ATP2B2: variants seen among roughly 807,000 people sequenced by gnomAD.
ATP2B2 encodes the protein plasma membrane calcium-transporting ATPase 2.
A neutral mutation model predicts 120.0 loss-of-function variants in ATP2B2; 15 were observed. The observed-to-expected ratio is 0.12, with a 90% confidence interval of 0.08 to 0.19. The LOEUF is 0.19. Among genes scored for constraint, ATP2B2 ranks in the 10% least tolerant of loss-of-function variants. The probability of loss-of-function intolerance (pLI) is 1.00; values close to 1 mark genes in which losing one functional copy is unlikely to be tolerated. For synonymous variants in ATP2B2, 694 were observed against 700.3 expected, an observed-to-expected ratio of 0.99 and a Z score of 0.14; for missense variants, 1,045 against 1,719.8, an observed-to-expected ratio of 0.61 and a Z score of 6.94.
chr3:10,374,743 C>A (rs1234432381), intron 11 of ATP2B2, among the ~76,000 whole-genome samples: 1 of 152,158 alleles, frequency 6.6e-6, no homozygotes, highest in African/African-American at 2.4e-5. Context: ...TGCAGCTCTG[C>A]CATCAGGGTA....
chr3:10,434,606 AGAGAGG>A (rs1259135398), intron 2 of ATP2B2, among the ~76,000 whole-genome samples: 1 of 152,384 alleles, frequency 6.6e-6, no homozygotes, highest in Non-Finnish European at 1.5e-5. Context: ...ACTGAGGCTC[AGAGAGG>A]GAAAATGATT....
rs866923178 is a variant in ATP2B2, at chr3:10,343,217, C to T, written c.2704-252G>A. On this transcript the variant is annotated intron_variant, in intron 18 of 22. Coordinates refer to ENST00000360273, the MANE Select transcript of ATP2B2 (RefSeq NM_001001331.4). This position sits in a 1 kb window ranked among gnomAD's most constrained non-coding sequence, Gnocchi z 4.2. ...CCCAGGCCCAATGGCCACCAGCTCCCTGCCTTCTGGTAAATTCAGCTGCAT... is the reference window on the plus strand; with the variant it reads ...CCCAGGCCCAATGGCCACCAGCTCCTTGCCTTCTGGTAAATTCAGCTGCAT... 1.9e-4 allele frequency among the ~76,000 whole-genome samples: 29 copies of T among 152,324 alleles called. No individual in the cohort carries two copies. Among genetic ancestry groups the T allele is most frequent in the South Asian group, 6.2e-4 (3 of 4,828 alleles).
At position 10,503,156 on chromosome 3, in the gene ATP2B2, T is replaced by G. The variant is rs1254146449; in HGVS notation, c.-320+2309A>C. 3.3e-5 allele frequency among the ~76,000 whole-genome samples: 5 copies of G among 152,256 alleles called. 1 individual carries two copies. The highest frequency in any genetic ancestry group is 1.3e-4 in the Admixed American group (2 of 15,292). On this transcript the variant is annotated intron_variant, in intron 1 of 22. Coordinates refer to ENST00000360273, the MANE Select transcript of ATP2B2 (RefSeq NM_001001331.4). ...AGGAGGGTGCCAGCATTTCAGGCTC[T>G]GCATACAACGTAAGCCACAGCAGCT...
At chr3:10,605,605 A>T (rs1217348386) in intron 2 of ATP2B2, among the ~76,000 whole-genome samples, 1 of 151,330 alleles carries the variant, frequency 6.6e-6, no homozygotes, top group Admixed American at 6.6e-5. Context: ...GCTTGAGGCC[A>T]GCATTTCGAG....
At chr3:10,385,601 G>A (rs1284881657) in intron 7 of ATP2B2, among the ~76,000 whole-genome samples, 1 of 152,202 alleles carries the variant, frequency 6.6e-6, no homozygotes, top group African/African-American at 2.4e-5. Flanking sequence ...GCTGGTCTGT[G>A]CTGAGGTCTG....
chr3:10,677,613 G>A lies in ATP2B2; in HGVS notation c.-460+30302C>T, dbSNP rs115262064. Among the ~76,000 whole-genome samples, 103 of 152,268 alleles carry A rather than the reference G, an allele frequency of 6.8e-4. 2 individuals carry two copies. The highest frequency in any genetic ancestry group is 2.4e-3 in the African/African-American group (99 of 41,530). ...TATATCACTCTGGTGGGGGATATTG[G>A]CAGTGGGGATGTTGTTTGATGGGGA... On this transcript the variant is annotated intron_variant, in intron 1 of 21. Transcript: ENST00000646379.
At chr3:10,483,605 C>T (rs560758926) in intron 1 of ATP2B2, among the ~76,000 whole-genome samples, 11 of 152,274 alleles carry the variant, frequency 7.2e-5, no homozygotes, top group African/African-American at 2.6e-4. Context: ...GAATTCTCTG[C>T]GGGCTTAATT....
intron 1 of ATP2B2, among the ~76,000 whole-genome samples, chr3:10,486,984 T>C (rs2065704941): frequency 6.6e-6 from 1 of 152,132 alleles, no homozygotes; most frequent in African/African-American, 2.4e-5. Flanking sequence ...TGCCTTGGCC[T>C]CCCAAAGTGC....
chr3:10,453,045 C>T (rs971182209), intron 1 of ATP2B2, among the ~76,000 whole-genome samples: 1 of 152,220 alleles, frequency 6.6e-6, no homozygotes, highest in East Asian at 1.9e-4. Context: ...CTGACTGGCA[C>T]ATGATAAGCA....
rs755966247 is a variant in ATP2B2 at position 10,385,269 on chromosome 3, A to G, written c.999T>C (p.Asn333=). 6.2e-7 allele frequency: 1 copy of G among 1,613,604 alleles called. No individual in the cohort carries two copies. Among genetic ancestry groups the G allele is most frequent in the Non-Finnish European group, 8.5e-7 (1 of 1,179,828 alleles). ...AGGAGCTCGCCGTGGGAGACATACCATTGACTAGGCTGGCATTCGCACTAT... is the reference window on the plus strand; with the variant it reads ...AGGAGCTCGCCGTGGGAGACATACCGTTGACTAGGCTGGCATTCGCACTAT... ...AADSANASLV[N]GKMQDGNVDA... is the part of the protein sequence containing the mutation. The change falls in exon 8 of 23, where the codon AAT becomes AAC. Residue 333 remains asparagine (N), a splice_region_variant and synonymous_variant. Coordinates refer to ENST00000360273, the MANE Select transcript of ATP2B2 (RefSeq NM_001001331.4).
At chr3:10,667,839 C>A (rs1321070973) in intron 1 of ATP2B2, among the ~76,000 whole-genome samples, 2 of 152,252 alleles carry the variant, frequency 1.3e-5, no homozygotes, top group East Asian at 3.8e-4. Flanking sequence ...GTCCAGGACT[C>A]TCTCCAGTCT....
rs11707497 is a variant in ATP2B2, at chr3:10,635,051, A to G, written c.-459-15090T>C. On this transcript the variant is annotated intron_variant, in intron 1 of 21. Coordinates refer to the ATP2B2 transcript ENST00000646379. This position sits in a 1 kb window ranked among gnomAD's most constrained non-coding sequence, Gnocchi z 4.3. ...GAAGAAAGAGCCTTCCAACACTCGC[A>G]GGACCCCGAGATAAATGTCCCTGGG... 0.056 allele frequency among the ~76,000 whole-genome samples: 8,459 copies of G among 151,848 alleles called. 283 individuals carry two copies. Among genetic ancestry groups the G allele is most frequent in the South Asian group, 0.17 (780 of 4,716 alleles).
intron 2 of ATP2B2, among the ~76,000 whole-genome samples, chr3:10,440,095 C>T (rs772619675): frequency 2.1e-5 from 2 of 94,522 alleles, no homozygotes; most frequent in African/African-American, 8.1e-5. Context: ...GAGTGAGACT[C>T]TATCTAAAAA....
At chr3:10,503,867 G>A (rs888149165) in intron 1 of ATP2B2, among the ~76,000 whole-genome samples, 1 of 152,258 alleles carries the variant, frequency 6.6e-6, no homozygotes, top group African/African-American at 2.4e-5. Flanking sequence ...CTACATGCAT[G>A]TGTGGGCAAG....
At chr3:10,518,237 A>T (rs2066913809) in intron 3 of ATP2B2, among the ~76,000 whole-genome samples, 1 of 152,226 alleles carries the variant, frequency 6.6e-6, no homozygotes, top group Admixed American at 6.5e-5. Flanking sequence ...AAGCATTCAT[A>T]GTCACAATAT....
rs139472399 is a variant in ATP2B2 at position 10,464,669 on chromosome 3, T to C, written c.-319-14807A>G. Among the ~76,000 whole-genome samples, 354 of 152,294 alleles carry C rather than the reference T, an allele frequency of 2.3e-3. 1 individual carries two copies. Among genetic ancestry groups the C allele is most frequent in the Non-Finnish European group, 3.4e-3 (230 of 68,020 alleles). On this transcript the variant is annotated intron_variant, in intron 1 of 22. Coordinates refer to ENST00000360273, the MANE Select transcript of ATP2B2 (RefSeq NM_001001331.4). Reference sequence around the variant, plus strand: ...CTACCTTCCATGGAAACCACTTAAGTCGTTCTCTGGCCTTAGTTGTCACTT... The same window carrying C: ...CTACCTTCCATGGAAACCACTTAAGCCGTTCTCTGGCCTTAGTTGTCACTT...
At chr3:10,450,206 A>C (rs889084328) in intron 1 of ATP2B2, among the ~76,000 whole-genome samples, 3 of 152,038 alleles carry the variant, frequency 2.0e-5, no homozygotes, top group African/African-American at 7.3e-5. Context: ...ACTGCCACAC[A>C]CACGTCAACA....
At chr3:10,706,496 G>A (rs1177091110) in intron 1 of ATP2B2, among the ~76,000 whole-genome samples, 1 of 152,170 alleles carries the variant, frequency 6.6e-6, no homozygotes, top group African/African-American at 2.4e-5. Flanking sequence ...AGGGCATTGG[G>A]ATATCTTGTC....
At chr3:10,522,237 G>A (rs542959637) in intron 3 of ATP2B2, among the ~76,000 whole-genome samples, 1 of 152,184 alleles carries the variant, frequency 6.6e-6, no homozygotes, top group Non-Finnish European at 1.5e-5. Context: ...ATTTGAGGAG[G>A]CTTCCTTTTC....
Sources: gnomAD v4.1 joint callset for allele counts (sites outside exome capture counted in the v4.1 genomes callset) on GRCh38, gnomAD v4.1.1 for gene constraint, Gnocchi (gnomAD v3.1) non-coding constraint, MANE v1.5 for transcripts, NCBI Gene and HGNC (gene_info 2026-07-23, HGNC 2026-07-21) for gene names.